Variants in CCDC169 observed in about 807,000 individuals in gnomAD.
CCDC169 encodes the protein coiled-coil domain-containing protein 169.
Under a neutral mutation model 36.0 loss-of-function variants are expected in CCDC169, and 30 were observed. That is an observed-to-expected ratio of 0.83 (90% CI 0.62 to 1.13). CCDC169 has a LOEUF of 1.13. CCDC169 is among the 50% of genes most tolerant of loss of function. The pLI, the probability that CCDC169 is intolerant of heterozygous loss-of-function variation, is 0.00. For synonymous variants in CCDC169, 85 were observed against 81.5 expected, an observed-to-expected ratio of 1.04 and a Z score of -0.23; for missense variants, 245 against 245.9, an observed-to-expected ratio of 1.00 and a Z score of 0.03.
intron 2 of CCDC169, 88 bp downstream of exon 2, chr13:36,295,690 A>G: frequency 1.5e-6 from 1 of 650,622 alleles, no homozygotes; most frequent in Non-Finnish European, 2.6e-6. Flanking sequence ...CTATTATTCA[A>G]TATATGGAAT....
At chr13:36,236,431 C>T (rs1345872577) in intron 7 of CCDC169, among the ~76,000 whole-genome samples, 2 of 151,852 alleles carry the variant, frequency 1.3e-5, no homozygotes, top group Admixed American at 1.3e-4. Flanking sequence ...GGTGTTAGGA[C>T]AACTGAATAA....
downstream of CCDC169, among the ~76,000 whole-genome samples, chr13:36,228,755 T>G (rs993549688): frequency 6.6e-6 from 1 of 152,132 alleles, no homozygotes; most frequent in Non-Finnish European, 1.5e-5. Context: ...TTTGCCATGT[T>G]GCTCAGGCTG....
At chr13:36,230,199 G>A (rs2138372812), downstream of CCDC169, among the ~76,000 whole-genome samples, 1 of 152,310 alleles carries the variant, frequency 6.6e-6, no homozygotes, top group East Asian at 1.9e-4. Flanking sequence ...GATATAGGGT[G>A]AGAACACCAT....
Position 36,253,798 on chromosome 13 carries a change from G to T in CCDC169, c.468+5C>A. On this transcript the variant is annotated splice_donor_5th_base_variant and intron_variant, in intron 6 of 7. Coordinates refer to ENST00000239859, the MANE Select transcript of CCDC169 (RefSeq NM_001144981.3). The stretch of plus-strand genomic sequence containing the variant: ...ACTTAGAATTTGGAAATAAAAAAGA[G>T]TTACCTGAGACATTTCAGCTAGGTA... The T allele has an allele frequency of 6.5e-7, 1 of 1,545,454 alleles. No individual in the cohort carries two copies. Among genetic ancestry groups the T allele is most frequent in the Non-Finnish European group, 8.7e-7 (1 of 1,145,558 alleles).
At chr13:36,272,321 C>A (rs896634828) in intron 4 of CCDC169, among the ~76,000 whole-genome samples, 2 of 151,764 alleles carry the variant, frequency 1.3e-5, no homozygotes, top group African/African-American at 2.4e-5. Context: ...ACAATGGAGT[C>A]CCATGTTTCG....
downstream of CCDC169, chr13:36,230,759 A>C: frequency 1.0e-6 from 1 of 986,718 alleles, no homozygotes; most frequent in South Asian, 4.7e-5. Context: ...TCAAAACTTA[A>C]AATGGACTTG....
chr13:36,252,027 A>G (rs1260103053), intron 6 of CCDC169, among the ~76,000 whole-genome samples: 1 of 152,186 alleles, frequency 6.6e-6, no homozygotes, highest in Non-Finnish European at 1.5e-5. Context: ...GAAAGGTCAC[A>G]TGGTAGTAAG....
intron 2 of CCDC169, among the ~76,000 whole-genome samples, chr13:36,292,264 G>A (rs1430851186): frequency 2.0e-5 from 3 of 152,138 alleles, no homozygotes; most frequent in Admixed American, 1.3e-4. Flanking sequence ...AAAGTGCTGG[G>A]ATTACAGGTG....
chr13:36,255,933 A>G lies in CCDC169; in HGVS notation c.316-1790T>C, dbSNP rs118057632. On this transcript the variant is annotated intron_variant, in intron 4 of 7. Coordinates refer to ENST00000239859, the MANE Select transcript of CCDC169 (RefSeq NM_001144981.3). ...TCCACGTAGTCTCTTACCACCCTTGACCAGATGCAGGGCGCTCAGCACGGT... is the reference window on the plus strand; with the variant it reads ...TCCACGTAGTCTCTTACCACCCTTGGCCAGATGCAGGGCGCTCAGCACGGT... Among the ~76,000 whole-genome samples the G allele has an allele frequency of 2.7e-4, 41 of 152,280 alleles. No homozygotes were observed. The East Asian group carries it at 7.7e-3, about 29-fold the overall frequency.
At chr13:36,223,605 T>C (rs1362894890), downstream of CCDC169, 1 of 152,186 alleles carries the variant, frequency 6.6e-6, no homozygotes. Context: ...ATAATTCAAT[T>C]ATATGTAGTG....
In CCDC169 at chr13:36,231,280, A is replaced by G; in HGVS notation, c.558T>C (p.Asn186=). ...QENLVKTGRY[N]PAKQKTVSAK... is the part of the protein sequence containing the mutation. The stretch of plus-strand genomic sequence containing the variant: ...CACTCACTGTCTTCTGCTTAGCTGG[A>G]TTATATCTTCCACTGAAATAAATAA... Residue 186 remains asparagine, a synonymous_variant, in exon 8 of 8, where the codon AAT becomes AAC. Coordinates refer to ENST00000239859, the MANE Select transcript of CCDC169 (RefSeq NM_001144981.3). The G allele has an allele frequency of 6.4e-7, 1 of 1,551,246 alleles. No homozygotes were observed. Among genetic ancestry groups the G allele is most frequent in the Non-Finnish European group, 8.7e-7 (1 of 1,146,790 alleles).
At chr13:36,272,990 G>A (rs959698130) in intron 4 of CCDC169, among the ~76,000 whole-genome samples, 10 of 152,126 alleles carry the variant, frequency 6.6e-5, no homozygotes, top group African/African-American at 2.4e-4. Flanking sequence ...CACTAAGCAG[G>A]TCAGAAGAGT....
At chr13:36,232,906 T>C (rs544753575) in intron 7 of CCDC169, among the ~76,000 whole-genome samples, 12 of 152,060 alleles carry the variant, frequency 7.9e-5, no homozygotes, top group Admixed American at 7.2e-4. Flanking sequence ...AGCTGAGAAA[T>C]GAGTGTTAAT....
chr13:36,280,947 C>A (rs952595368), intron 4 of CCDC169: 2 of 161,632 alleles, frequency 1.2e-5, no homozygotes, highest in Admixed American at 1.3e-4. Context: ...GCCTGTCATG[C>A]ACACGAAGGT....
intron 7 of CCDC169, among the ~76,000 whole-genome samples, chr13:36,245,821 C>A (rs9546871): frequency 0.41 from 61,706 of 151,982 alleles, 13,294 homozygotes; most frequent in Non-Finnish European, 0.48. Flanking sequence ...ATTTGTGGCA[C>A]CCCTGTGTTA....
chr13:36,248,065 C>T (rs1323927533), intron 7 of CCDC169, among the ~76,000 whole-genome samples: 3 of 152,188 alleles, frequency 2.0e-5, no homozygotes, highest in Non-Finnish European at 2.9e-5. Context: ...GATTATAACT[C>T]ACTGAAGGCT....
chr13:36,254,249 G>A, intron 4 of CCDC169, 106 bp from the exon 5 acceptor site: 4 of 548,966 alleles, frequency 7.3e-6, no homozygotes, highest in Admixed American at 4.4e-5. Flanking sequence ...CTAATATTTT[G>A]TGATTTCATA....
At chr13:36,254,194 TAAG>T (rs978591769) in intron 4 of CCDC169, 51 bp from the exon 5 acceptor site, 2 of 1,288,062 alleles carry the variant, frequency 1.6e-6, no homozygotes, top group African/African-American at 3.0e-5. Context: ...CTAAACAAAA[TAAG>T]AAATGACCAT....
downstream of CCDC169, among the ~76,000 whole-genome samples, chr13:36,227,885 T>A (rs892011426): frequency 2.6e-5 from 4 of 152,230 alleles, no homozygotes; most frequent in Non-Finnish European, 1.5e-5. Context: ...TGGATTTGCC[T>A]ATTTGGGACA....
Sources: allele counts gnomAD v4.1 joint callset (sites outside exome capture counted in the v4.1 genomes callset), GRCh38; gene constraint gnomAD v4.1.1; transcripts MANE v1.5; gene names NCBI Gene and HGNC (gene_info 2026-07-23, HGNC 2026-07-21).